NFASC: variants seen among roughly 807,000 people sequenced by gnomAD.
NFASC encodes neurofascin.
A neutral mutation model predicts 147.5 loss-of-function variants in NFASC; 43 were observed. The ratio of observed to expected loss-of-function variants is 0.29; its 90% CI spans 0.23 to 0.38. NFASC has a LOEUF of 0.38. Among genes scored for constraint, NFASC ranks in the 10% least tolerant of loss-of-function variants. The pLI is 1.00. For missense variants in NFASC, 1,320 were observed against 1,689.0 expected (o/e 0.78, Z 3.83); for synonymous variants, 622 against 665.5 (o/e 0.93, Z 1.01).
Position 204,841,070 on chromosome 1 carries a change from A to G in NFASC, c.-200+12288A>G, listed in dbSNP as rs561800773. 5.9e-5 allele frequency among the ~76,000 whole-genome samples: 9 copies of G among 152,338 alleles called. No individual in the cohort carries two copies. The East Asian group carries it at 1.7e-3, about 29-fold the overall frequency. On this transcript the variant is annotated intron_variant, in intron 1 of 29. Transcript: ENST00000339876. ...TGTTAACCCTCTGACTCACGTCCTAACGACCCTTTGGGGTCTCACTATGTG... is the reference window on the plus strand; with the variant it reads ...TGTTAACCCTCTGACTCACGTCCTAGCGACCCTTTGGGGTCTCACTATGTG...
At chr1:204,839,261 C>T (rs1166736700) in intron 1 of NFASC, among the ~76,000 whole-genome samples, 1 of 151,896 alleles carries the variant, frequency 6.6e-6, no homozygotes, top group African/African-American at 2.4e-5. Flanking sequence ...TTTATTGAGC[C>T]CCTGCTGGGC....
Position 204,983,134 on chromosome 1 carries a change from T to C in NFASC, c.2470+1114T>C, listed in dbSNP as rs1174713073. On this transcript the variant is annotated intron_variant, in intron 21 of 29. Transcript: ENST00000339876. ...ATGGATTTTATGGACCAGCCCACAG[T>C]TTCCATTGCACGCTTCTACCCTGCG... 4.6e-5 allele frequency among the ~76,000 whole-genome samples: 7 copies of C among 152,264 alleles called. No homozygotes were observed. The East Asian group carries it at 1.4e-3, about 29-fold the overall frequency.
chr1:205,012,378 G>T (rs987541553), intron 28 of NFASC, among the ~76,000 whole-genome samples: 3 of 152,220 alleles, frequency 2.0e-5, no homozygotes, highest in Non-Finnish European at 2.9e-5. Context: ...CTTGAGGAAA[G>T]AACTAGCCTT....
At position 204,977,758 on chromosome 1, in the gene NFASC, G is replaced by A. The variant is rs753922037; in HGVS notation, c.1876+33G>A. On this transcript the variant is annotated intron_variant, in intron 17 of 29. Transcript: ENST00000339876. ...CCACTAATCACAGTCCCCTGCCAGTGCCCTCTCTTGGCACCCAGGGTGTGG... is the reference window on the plus strand; with the variant it reads ...CCACTAATCACAGTCCCCTGCCAGTACCCTCTCTTGGCACCCAGGGTGTGG... The A allele has an allele frequency of 1.3e-5, 21 of 1,591,866 alleles. No homozygotes were observed. The African/African-American group carries it at 1.7e-4, about 13-fold the overall frequency.
At chr1:204,831,544 T>G (rs1672235484) in intron 1 of NFASC, among the ~76,000 whole-genome samples, 1 of 152,070 alleles carries the variant, frequency 6.6e-6, no homozygotes, top group Non-Finnish European at 1.5e-5. Flanking sequence ...GGCTCCACTC[T>G]TCTCCCTCAG....
At chr1:204,871,162 CT>C in intron 1 of NFASC, 1 of 1,166,632 alleles carries the variant, frequency 8.6e-7, no homozygotes, top group Non-Finnish European at 1.1e-6. Flanking sequence ...GCGGTGTGTG[CT>C]AGGATTGTGC....
intron 2 of NFASC, among the ~76,000 whole-genome samples, chr1:204,942,285 G>A (rs369195965): frequency 7.9e-5 from 12 of 152,312 alleles, no homozygotes; most frequent in African/African-American, 2.2e-4. Flanking sequence ...CAGACACAGA[G>A]TGTTCTAGAC....
In NFASC at chr1:204,987,461, G is replaced by A; in HGVS notation, c.2514G>A (p.Leu838=). The change falls in exon 22 of 30, where the codon CTG becomes CTA. Residue 838 remains leucine (L), a synonymous_variant. Transcript: ENST00000339876. The surrounding 1 kb of genome is among the most constrained non-coding windows in gnomAD (Gnocchi z 4.4). ...GTTTCCGAGTCCGGCAGCCCAACCT[G>A]GAGACAATCAACCTGGAATGGGATC... is the stretch of plus-strand genomic sequence containing the variant. ...PRRFRVRQPN[L]ETINLEWDHP... 1 of 1,613,892 alleles carries A rather than the reference G, an allele frequency of 6.2e-7. No individual in the cohort carries two copies. The highest frequency in any genetic ancestry group is 8.5e-7 in the Non-Finnish European group (1 of 1,179,922).
chr1:204,879,610 C>T (rs2079729136), intron 1 of NFASC, among the ~76,000 whole-genome samples: 1 of 152,192 alleles, frequency 6.6e-6, no homozygotes, highest in Non-Finnish European at 1.5e-5. Context: ...GATCTGGGGG[C>T]AGCCAAATGG....
chr1:204,934,735 G>C (rs1279356535), intron 2 of NFASC, among the ~76,000 whole-genome samples: 2 of 152,238 alleles, frequency 1.3e-5, no homozygotes. Flanking sequence ...TGCTGGAATA[G>C]ATGCCCATTC....
intron 1 of NFASC, among the ~76,000 whole-genome samples, chr1:204,848,641 C>A (rs2075385647): frequency 1.3e-5 from 2 of 152,210 alleles, no homozygotes; most frequent in African/African-American, 4.8e-5. Context: ...AAGTGACAAT[C>A]AAAAAACCCC....
Position 204,987,160 on chromosome 1 carries a change from A to G in NFASC, c.2471-258A>G. On this transcript the variant is annotated intron_variant, in intron 21 of 29. Transcript: ENST00000339876. This position sits in a 1 kb window ranked among gnomAD's most constrained non-coding sequence, Gnocchi z 4.4. ...CTGAATCCAGAGTAGTTGCTAGAAG[A>G]AAACCTGATTTACTTCTTCCTCTCT... The G allele has an allele frequency of 1.9e-6, 1 of 530,906 alleles. No individual in the cohort carries two copies. Among genetic ancestry groups the G allele is most frequent in the South Asian group, 2.6e-5 (1 of 39,082 alleles). The allele number at this position is 530,906 out of a possible 1,614,324, so 32.9% of individuals were successfully genotyped here.
At chr1:204,885,950 CAT>C (rs1429451884) in intron 1 of NFASC, among the ~76,000 whole-genome samples, 5 of 152,196 alleles carry the variant, frequency 3.3e-5, no homozygotes, top group Non-Finnish European at 5.9e-5. Flanking sequence ...TGATGTCAAA[CAT>C]GTAATTCTGT....
intron 25 of NFASC, 170 bp downstream of exon 25, chr1:204,997,576 G>C (rs553421372): frequency 2.7e-6 from 2 of 752,380 alleles, no homozygotes; most frequent in Non-Finnish European, 2.3e-6. Context: ...GCTCAGTCCC[G>C]TAGCCTGGAG....
In NFASC at chr1:204,987,662, AG is replaced by A; in HGVS notation, c.2593+126del. 9 of 1,133,878 alleles carry A rather than the reference AG, an allele frequency of 7.9e-6. No homozygotes were observed. The South Asian group carries it at 1.1e-4, about 14-fold the overall frequency. The allele number at this position is 1,133,878 out of a possible 1,614,324, so 70.2% of individuals were successfully genotyped here. A position where few individuals can be genotyped will look rare whatever the true frequency, so the allele number is the denominator to read the frequency against. On this transcript the variant is annotated intron_variant, in intron 22 of 29. Coordinates refer to ENST00000339876, the MANE Select transcript of NFASC (RefSeq NM_001005388.3). The surrounding 1 kb of genome is among the most constrained non-coding windows in gnomAD (Gnocchi z 4.4). ...TGCAGATGGCATTGTGGAGGGATGG[AG>A]GGGCCAACGAAACAGTTCCCAATAG...
chr1:204,957,539 A>G lies in NFASC; in HGVS notation c.536-117A>G, dbSNP rs548592962. The G allele has an allele frequency of 1.1e-3, 924 of 840,798 alleles. 2 individuals are homozygous for G. Among genetic ancestry groups the G allele is most frequent in the Non-Finnish European group, 1.3e-3 (689 of 517,964 alleles). The allele number at this position is 840,798 out of a possible 1,614,324, so 52.1% of individuals were successfully genotyped here. On this transcript the variant is annotated intron_variant, in intron 7 of 29. Transcript: ENST00000339876. ...AGAGTTGAGAGGATTAGACCAAGTA[A>G]TGTCAAGCTCCTGGTCGCCACCTGA...
intron 23 of NFASC, chr1:204,990,687 C>T (rs2095711399): frequency 6.5e-6 from 1 of 152,724 alleles, no homozygotes; most frequent in Non-Finnish European, 1.5e-5. Flanking sequence ...AGGAGAGGGG[C>T]TCCAGGCTCC....
At position 204,948,920 on chromosome 1, in the gene NFASC, C is replaced by G. The variant is rs372772414; in HGVS notation, c.92-1637C>G. Among the ~76,000 whole-genome samples, 15 of 152,332 alleles carry G rather than the reference C, an allele frequency of 9.8e-5. No homozygotes were observed. The East Asian group carries it at 2.1e-3, about 22-fold the overall frequency. On this transcript the variant is annotated intron_variant, in intron 3 of 29. Transcript: ENST00000339876. ...AGCCCCACCTCTCCTAAGAATGGCC[C>G]CTTCTCCCCACCCAAGCCAACTGGA... is the stretch of plus-strand genomic sequence containing the variant.
In NFASC at chr1:204,986,240, C is replaced by T. The variant is rs963622133; in HGVS notation, c.2471-1178C>T. The T allele has an allele frequency of 5.3e-5, 36 of 683,416 alleles. No individual in the cohort carries two copies. Among genetic ancestry groups the T allele is most frequent in the Admixed American group, 1.8e-4 (8 of 43,980 alleles). The allele number at this position is 683,416 out of a possible 1,614,324, so 42.3% of individuals were successfully genotyped here. A position where few individuals can be genotyped will look rare whatever the true frequency, so the allele number is the denominator to read the frequency against. On this transcript the variant is annotated intron_variant, in intron 21 of 29. Transcript: ENST00000339876. This position sits in a 1 kb window ranked among gnomAD's most constrained non-coding sequence, Gnocchi z 4.2. ...GTGACTTCTGCGAGGCCTCCAGGAG[C>T]GGATGACCTGCAAGCCGAGCCACTA...
Sources: allele counts gnomAD v4.1 joint callset (sites outside exome capture counted in the v4.1 genomes callset), GRCh38; gene constraint gnomAD v4.1.1; non-coding constraint Gnocchi (gnomAD v3.1); transcripts MANE v1.5; gene names NCBI Gene and HGNC (gene_info 2026-07-23, HGNC 2026-07-21).